The following TMEM63C variants were observed in gnomAD, a reference collection of about 807,000 sequenced individuals.
TMEM63C encodes osmosensitive cation channel TMEM63C.
A neutral mutation model predicts 99.2 loss-of-function variants in TMEM63C; 32 were observed. The ratio of observed to expected loss-of-function variants is 0.32; its 90% CI spans 0.24 to 0.43. TMEM63C has a LOEUF of 0.43. Ranked by LOEUF, TMEM63C falls within the 20% of genes least tolerant of loss-of-function variation. The pLI is 1.00. For synonymous variants in TMEM63C, 376 were observed against 397.9 expected (o/e 0.94, Z 0.66); for missense variants, 826 against 1,053.0 (o/e 0.78, Z 2.98).
At chr14:77,231,060 A>T (rs1156625540) in intron 6 of TMEM63C, among the ~76,000 whole-genome samples, 1 of 152,230 alleles carries the variant, frequency 6.6e-6, no homozygotes, top group African/African-American at 2.4e-5. Context: ...CTGGGCCAGC[A>T]TATACACCCA....
chr14:77,240,738 A>C, intron 13 of TMEM63C, 130 bp downstream of exon 13: 2 of 1,211,256 alleles, frequency 1.7e-6, no homozygotes, highest in South Asian at 3.0e-5. Flanking sequence ...GGCAGCTGCC[A>C]TCTGGCTCTC....
chr14:77,211,601 T>A (rs1888498707), intron 1 of TMEM63C, among the ~76,000 whole-genome samples: 1 of 152,250 alleles, frequency 6.6e-6, no homozygotes, highest in African/African-American at 2.4e-5. Context: ...GTGCTGGCCT[T>A]GTTAGTTAGG....
chr14:77,182,729 C>G (rs1887935209), intron 1 of TMEM63C, among the ~76,000 whole-genome samples: 1 of 152,136 alleles, frequency 6.6e-6, no homozygotes, highest in Admixed American at 6.5e-5. Context: ...TGGGTGTAAG[C>G]AGCAATTAGA....
intron 1 of TMEM63C, among the ~76,000 whole-genome samples, chr14:77,210,950 T>A (rs542730910): frequency 4.6e-5 from 7 of 152,164 alleles, no homozygotes; most frequent in Non-Finnish European, 8.8e-5. Context: ...GTGGCTATAG[T>A]GATTCTCTAA....
chr14:77,256,629 G>A lies in TMEM63C; in HGVS notation c.2324G>A (p.Gly775Glu). Residue 775 changes from glycine (G) to glutamate (E), a missense_variant, in exon 24 of 24, where the codon GGA becomes GAA. By Grantham distance (98) the Gly-to-Glu change is moderately conservative (BLOSUM62 -2). Transcript: ENST00000298351. The stretch of plus-strand genomic sequence containing the variant: ...ACCATGAACAACCAGCCGGAAGAGG[G>A]AGAAGAAGAGAGTGGTCTGAGGGGC... ...YGTMNNQPEE[G>E]EEESGLRGFA... is the part of the protein sequence containing the mutation. 6.2e-7 allele frequency: 1 copy of A among 1,614,048 alleles called. No homozygotes were observed. Among genetic ancestry groups the A allele is most frequent in the South Asian group, 1.1e-5 (1 of 91,078 alleles).
At chr14:77,243,813 C>T (rs183921103) in intron 15 of TMEM63C, among the ~76,000 whole-genome samples, 143 of 152,142 alleles carry the variant, frequency 9.4e-4, no homozygotes, top group African/African-American at 3.3e-3. Context: ...TGCACACACA[C>T]GCACACATGC....
chr14:77,199,019 T>C (rs1888254659), intron 1 of TMEM63C, among the ~76,000 whole-genome samples: 1 of 152,118 alleles, frequency 6.6e-6, no homozygotes, highest in South Asian at 2.1e-4. Flanking sequence ...ATGGGGCAGA[T>C]AATGAACAGC....
intron 11 of TMEM63C, 25 bp downstream of exon 11, chr14:77,239,517 G>C: frequency 6.2e-7 from 1 of 1,612,872 alleles, no homozygotes; most frequent in Non-Finnish European, 8.5e-7. Flanking sequence ...GGGCCTTTTG[G>C]GGCCCGGGGT....
Position 77,236,977 on chromosome 14 carries a change from G to A in TMEM63C, c.651+245G>A, listed in dbSNP as rs61993369. On this transcript the variant is annotated intron_variant, in intron 9 of 23. Coordinates refer to ENST00000298351, the MANE Select transcript of TMEM63C (RefSeq NM_020431.4). ...CCTCCACGCTGCTCCACCCTCTCAC[G>A]CTCCTCCACCCTCTCACCCTCCTCC... Among the ~76,000 whole-genome samples the A allele has an allele frequency of 5.5e-3, 442 of 80,656 alleles. 8 individuals carry two copies. Among genetic ancestry groups the A allele is most frequent in the African/African-American group, 0.027 (405 of 15,234 alleles). 52.9% of individuals were successfully genotyped at this position (80,656 alleles called of 152,430 possible). A position where few individuals can be genotyped will look rare whatever the true frequency, so the allele number is the denominator to read the frequency against.
chr14:77,191,507 TTTTC>T, intron 1 of TMEM63C, among the ~76,000 whole-genome samples: 1 of 151,282 alleles, frequency 6.6e-6, no homozygotes, highest in East Asian at 1.9e-4. Flanking sequence ...TCCATTTTTT[TTTTC>T]TTTTCTTTCT....
At chr14:77,189,685 A>G (rs1888069451) in intron 1 of TMEM63C, among the ~76,000 whole-genome samples, 1 of 152,220 alleles carries the variant, frequency 6.6e-6, no homozygotes. Context: ...AAGTAATCTG[A>G]GATGTCTATG....
intron 6 of TMEM63C, among the ~76,000 whole-genome samples, chr14:77,226,028 C>T (rs986792631): frequency 6.6e-6 from 1 of 152,164 alleles, no homozygotes; most frequent in African/African-American, 2.4e-5. Context: ...CTCCTGATTC[C>T]CCAACACCAG....
intron 5 of TMEM63C, among the ~76,000 whole-genome samples, chr14:77,223,075 G>T (rs1888754242): frequency 6.6e-6 from 1 of 152,104 alleles, no homozygotes; most frequent in Non-Finnish European, 1.5e-5. Flanking sequence ...GCTAGAATCT[G>T]CCCTCTCCAA....
chr14:77,239,362 C>T (rs937173472), intron 10 of TMEM63C, 50 bp from the exon 11 acceptor site: 10 of 1,582,940 alleles, frequency 6.3e-6, no homozygotes, highest in Non-Finnish European at 6.9e-6. Flanking sequence ...GTAGGGGCAG[C>T]ACATCCCCAA....
chr14:77,238,573 G>A (rs1594865859), intron 9 of TMEM63C, 121 bp from the exon 10 acceptor site: 1 of 749,324 alleles, frequency 1.3e-6, no homozygotes, highest in East Asian at 2.7e-5. Context: ...CAGCAAGGAG[G>A]CACTGGCATC....
chr14:77,183,869 G>C (rs920842014), intron 1 of TMEM63C, among the ~76,000 whole-genome samples: 3 of 152,096 alleles, frequency 2.0e-5, no homozygotes, highest in Non-Finnish European at 2.9e-5. Context: ...AGAGAGGAGA[G>C]GGCCCACCAT....
At chr14:77,241,899 T>G (rs1289390880) in intron 13 of TMEM63C, among the ~76,000 whole-genome samples, 1 of 152,200 alleles carries the variant, frequency 6.6e-6, no homozygotes, top group African/African-American at 2.4e-5. Flanking sequence ...TCTAGGCACC[T>G]CGATTTAGTC....
intron 1 of TMEM63C, among the ~76,000 whole-genome samples, chr14:77,205,338 C>T (rs1399667215): frequency 2.6e-5 from 4 of 152,160 alleles, no homozygotes; most frequent in African/African-American, 7.2e-5. Context: ...AGATTGGGTT[C>T]GGTTCATCTG....
chr14:77,218,474 C>A (rs944419933), intron 2 of TMEM63C, among the ~76,000 whole-genome samples: 2 of 152,208 alleles, frequency 1.3e-5, no homozygotes, highest in Non-Finnish European at 2.9e-5. Flanking sequence ...TTATATACAA[C>A]AAAAACTTCC....
Sources: allele counts gnomAD v4.1 joint callset (sites outside exome capture counted in the v4.1 genomes callset), GRCh38; gene constraint gnomAD v4.1.1; transcripts MANE v1.5; gene names NCBI Gene and HGNC (gene_info 2026-07-23, HGNC 2026-07-21).